Variants in CELF5 observed in about 807,000 individuals in gnomAD.
CELF5 encodes CUG-BP and ETR-3 like factor 5.
A neutral mutation model predicts 54.9 loss-of-function variants in CELF5; 6 were observed. The ratio of observed to expected loss-of-function variants is 0.11; its 90% CI spans 0.06 to 0.22. The LOEUF is 0.22. CELF5 is among the 10% of genes least tolerant of loss of function. CELF5 has a pLI of 1.00. For synonymous variants in CELF5, 271 were observed against 290.9 expected, an observed-to-expected ratio of 0.93 and a Z score of 0.70; for missense variants, 401 against 678.6, an observed-to-expected ratio of 0.59 and a Z score of 4.54.
chr19:3,249,666 A>G (rs2079621005), intron 1 of CELF5, among the ~76,000 whole-genome samples: 1 of 151,650 alleles, frequency 6.6e-6, no homozygotes, highest in Non-Finnish European at 1.5e-5. Flanking sequence ...ATTGGTCCTG[A>G]TTTCTGCCAC....
In CELF5 at chr19:3,282,376, G is replaced by T; in HGVS notation, c.917G>T (p.Gly306Val). The T allele has an allele frequency of 6.2e-7, 1 of 1,610,606 alleles. No homozygotes were observed. ...GGGCTGCACTCACCCCCGCTGCTGG[G>T]CACCACCGCTGTGCCTGGCCTCGTG... ...ASGLHSPPLL[G>V]TTAVPGLVAP... is the part of the protein sequence containing the mutation. The change falls in exon 8 of 13, where the codon GGC (glycine) becomes GTC (valine). Residue 306 changes from glycine to valine, a missense_variant. Transcript: ENST00000292672. This position sits in a 1 kb window ranked among gnomAD's most constrained non-coding sequence, Gnocchi z 5.2.
At chr19:3,253,397 C>G (rs1039393965) in intron 2 of CELF5, among the ~76,000 whole-genome samples, 2 of 152,162 alleles carry the variant, frequency 1.3e-5, no homozygotes, top group Non-Finnish European at 2.9e-5. Context: ...GTTGAGGAAT[C>G]TGCTTCCAAG....
At chr19:3,238,673 T>C (rs1676667710) in intron 1 of CELF5, among the ~76,000 whole-genome samples, 2 of 152,200 alleles carry the variant, frequency 1.3e-5, no homozygotes, top group Admixed American at 6.6e-5. Context: ...GGCTCACGCC[T>C]GTAATCCCAG....
At chr19:3,225,346 TCTCC>T (rs1221304765) in intron 1 of CELF5, 7 of 62,118 alleles carry the variant, frequency 1.1e-4, no homozygotes, top group Non-Finnish European at 2.3e-4. Context: ...GCACCCTCTC[TCTCC>T]CTCCCTCCCT....
At position 3,256,064 on chromosome 19, in the gene CELF5, C is replaced by CAGAAAAAAAAAA. The variant is rs372488135; in HGVS notation, c.342+4998_342+4999insGAAAAAAAAAAA. Among the ~76,000 whole-genome samples, 106 of 139,574 alleles carry CAGAAAAAAAAAA rather than the reference C, an allele frequency of 7.6e-4. 6 individuals carry two copies. Among genetic ancestry groups the CAGAAAAAAAAAA allele is most frequent in the East Asian group, 9.8e-4 (4 of 4,096 alleles). The allele number at this position is 139,574 out of a possible 152,430, so 91.6% of individuals were successfully genotyped here. ...TGGGTGACAGAACAAGACCCTGTCT[C>CAGAAAAAAAAAA]AAAAAAAAAGGAAAGGTGCGAAGTG... is the stretch of plus-strand genomic sequence containing the variant. On this transcript the variant is annotated intron_variant, in intron 2 of 12. Transcript: ENST00000292672.
At chr19:3,235,682 G>GGATGGATGTT (rs1917544647) in intron 1 of CELF5, among the ~76,000 whole-genome samples, 1 of 90,488 alleles carries the variant, frequency 1.1e-5, no homozygotes, top group Non-Finnish European at 2.4e-5. Context: ...GGATGGATGT[G>GGATGGATGTT]TGGATGGGTG....
intron 10 of CELF5, 79 bp from the exon 11 acceptor site, chr19:3,290,152 T>G (rs1305741789): frequency 1.8e-6 from 2 of 1,134,044 alleles, no homozygotes; most frequent in African/African-American, 3.1e-5. Flanking sequence ...AGATGCGGGC[T>G]CCAGACCTGT....
intron 11 of CELF5, among the ~76,000 whole-genome samples, chr19:3,293,070 T>C (rs1393948209): frequency 1.3e-5 from 2 of 152,130 alleles, no homozygotes; most frequent in Middle Eastern, 3.4e-3. Flanking sequence ...CTATACCAGC[T>C]GGGAAGTCTC....
chr19:3,245,747 G>A (rs1280250370), intron 1 of CELF5, among the ~76,000 whole-genome samples: 2 of 152,076 alleles, frequency 1.3e-5, no homozygotes, highest in African/African-American at 4.8e-5. Context: ...ATCAAGAATA[G>A]ACCATCACAT....
At position 3,286,115 on chromosome 19, in the gene CELF5, G is replaced by A. The variant is rs534271682; in HGVS notation, c.1186+90G>A. On this transcript the variant is annotated intron_variant, in intron 10 of 12. Transcript: ENST00000292672. ...GCTCCGTGTCTGGCCCGGGCCTCTG[G>A]GACCCGCGGGGCTGAGAGTGCGGCC... 155 of 1,167,496 alleles carry A rather than the reference G, an allele frequency of 1.3e-4. 1 individual carries two copies. The South Asian group carries it at 2.3e-3, about 17-fold the overall frequency. The allele number at this position is 1,167,496 out of a possible 1,614,324, so 72.3% of individuals were successfully genotyped here. A position where few individuals can be genotyped will look rare whatever the true frequency, so the allele number is the denominator to read the frequency against.
intron 1 of CELF5, among the ~76,000 whole-genome samples, chr19:3,235,942 T>C (rs919399880): frequency 1.3e-5 from 2 of 151,864 alleles, no homozygotes; most frequent in South Asian, 4.2e-4. Context: ...GGGAAATTTC[T>C]GGTGTAGTGA....
At chr19:3,236,449 C>T (rs1475266549) in intron 1 of CELF5, among the ~76,000 whole-genome samples, 1 of 152,082 alleles carries the variant, frequency 6.6e-6, no homozygotes. Context: ...GGCTTTGATC[C>T]TTATCTCCAA....
intron 4 of CELF5, among the ~76,000 whole-genome samples, chr19:3,277,575 A>G (rs959855005): frequency 2.6e-5 from 4 of 152,162 alleles, no homozygotes; most frequent in Non-Finnish European, 4.4e-5. Flanking sequence ...CCGTGCAACC[A>G]TCACCACTAT....
At chr19:3,262,522 T>A (rs1362760522) in intron 2 of CELF5, among the ~76,000 whole-genome samples, 1 of 152,170 alleles carries the variant, frequency 6.6e-6, no homozygotes, top group Admixed American at 6.6e-5. Flanking sequence ...ACGTAGACTG[T>A]TCTAGACCAG....
chr19:3,245,646 C>G (rs980045918), intron 1 of CELF5, among the ~76,000 whole-genome samples: 2 of 151,626 alleles, frequency 1.3e-5, no homozygotes, highest in Non-Finnish European at 1.5e-5. Flanking sequence ...AATTTCTTGC[C>G]GATCAAACCT....
At chr19:3,256,359 G>A (rs1184408590) in intron 2 of CELF5, among the ~76,000 whole-genome samples, 1 of 151,944 alleles carries the variant, frequency 6.6e-6, no homozygotes, top group African/African-American at 2.4e-5. Flanking sequence ...GCCCCTCAAG[G>A]GCAGTCCCTG....
intron 2 of CELF5, among the ~76,000 whole-genome samples, chr19:3,272,814 G>T (rs1160140325): frequency 3.3e-5 from 5 of 152,304 alleles, no homozygotes; most frequent in African/African-American, 9.6e-5. Flanking sequence ...GTTTGCCACA[G>T]ACATCAGGTT....
rs1395495102 is a variant in CELF5 at position 3,281,668 on chromosome 19, C to G, written c.750+323C>G. On this transcript the variant is annotated intron_variant, in intron 6 of 12. Coordinates refer to ENST00000292672, the MANE Select transcript of CELF5 (RefSeq NM_021938.4). The surrounding 1 kb of genome is among the most constrained non-coding windows in gnomAD (Gnocchi z 6.5). Reference sequence around the variant, plus strand: ...GAGACCTGACCTGATCAAGCTCCACCCTGGCTGAGACCTGATCCCAAGTTG... The same window carrying G: ...GAGACCTGACCTGATCAAGCTCCACGCTGGCTGAGACCTGATCCCAAGTTG... 1.3e-5 allele frequency among the ~76,000 whole-genome samples: 2 copies of G among 152,188 alleles called. No individual in the cohort carries two copies. Among genetic ancestry groups the G allele is most frequent in the Non-Finnish European group, 2.9e-5 (2 of 68,032 alleles).
intron 1 of CELF5, among the ~76,000 whole-genome samples, chr19:3,249,938 C>T (rs987581802): frequency 6.6e-6 from 1 of 152,210 alleles, no homozygotes; most frequent in Admixed American, 6.5e-5. Flanking sequence ...CTCACCCCAC[C>T]TTGTCCAGGG....
Sources: allele counts gnomAD v4.1 joint callset (sites outside exome capture counted in the v4.1 genomes callset), GRCh38; gene constraint gnomAD v4.1.1; non-coding constraint Gnocchi (gnomAD v3.1); transcripts MANE v1.5; gene names NCBI Gene and HGNC (gene_info 2026-07-23, HGNC 2026-07-21).